The following PNPLA3 variants were observed in gnomAD, a reference collection of about 807,000 sequenced individuals.
PNPLA3 encodes 1-acylglycerol-3-phosphate O-acyltransferase PNPLA3.
A neutral mutation model predicts 43.1 loss-of-function variants in PNPLA3; 42 were observed. That is an observed-to-expected ratio of 0.97 (90% confidence interval 0.76 to 1.26). The LOEUF (loss-of-function observed/expected upper bound fraction) is 1.26, where lower values mean the gene tolerates loss of function less well. PNPLA3 is among the 50% of genes most tolerant of loss of function. The pLI, the probability that PNPLA3 is intolerant of heterozygous loss-of-function variation, is 0.00. For synonymous variants in PNPLA3, 272 were observed against 253.6 expected (o/e 1.07, Z -0.69); for missense variants, 647 against 621.4 (o/e 1.04, Z -0.44).
chr22:43,935,267 C>A lies in PNPLA3; in HGVS notation c.757+601C>A, dbSNP rs74705303. 8.4e-3 allele frequency among the ~76,000 whole-genome samples: 1,274 copies of A among 152,248 alleles called. 24 individuals are homozygous for A. The highest frequency in any genetic ancestry group is 0.029 in the African/African-American group (1,211 of 41,536). Reference sequence around the variant, plus strand: ...GTTGGTTGATGAATTTGTCGTTGGCCAAGACCAAGGAGACTGCATTTTTAA... The same window carrying A: ...GTTGGTTGATGAATTTGTCGTTGGCAAAGACCAAGGAGACTGCATTTTTAA... On this transcript the variant is annotated intron_variant, in intron 5 of 8. Transcript: ENST00000216180.
intron 2 of PNPLA3, among the ~76,000 whole-genome samples, chr22:43,927,663 G>GT (rs2049933533): frequency 6.7e-6 from 1 of 149,762 alleles, no homozygotes; most frequent in Non-Finnish European, 1.5e-5. Flanking sequence ...TTTTTTTTGG[G>GT]TGGGGGGGCG....
intron 7 of PNPLA3, among the ~76,000 whole-genome samples, chr22:43,943,043 C>T (rs932397017): frequency 6.6e-6 from 1 of 152,110 alleles, no homozygotes; most frequent in Non-Finnish European, 1.5e-5. Flanking sequence ...TTTGCGTCTG[C>T]TCTGACAGAT....
At chr22:43,928,470 A>G (rs1228981966) in intron 2 of PNPLA3, among the ~76,000 whole-genome samples, 1 of 152,106 alleles carries the variant, frequency 6.6e-6, no homozygotes, top group Non-Finnish European at 1.5e-5. Context: ...CTCTCCGGTG[A>G]TGCTAATGAA....
At chr22:43,933,509 C>A (rs1054394099) in intron 4 of PNPLA3, among the ~76,000 whole-genome samples, 1 of 152,134 alleles carries the variant, frequency 6.6e-6, no homozygotes, top group Admixed American at 6.6e-5. Flanking sequence ...ACCTCAGCCT[C>A]CTAAGGAGCT....
At chr22:43,924,904 T>G in intron 1 of PNPLA3, among the ~76,000 whole-genome samples, 1 of 152,092 alleles carries the variant, frequency 6.6e-6, no homozygotes, top group Non-Finnish European at 1.5e-5. Context: ...CACCTCGGCC[T>G]CCCAGAATGC....
chr22:43,927,801 G>A (rs1182803042), intron 2 of PNPLA3, among the ~76,000 whole-genome samples: 1 of 152,278 alleles, frequency 6.6e-6, no homozygotes, highest in East Asian at 1.9e-4. Context: ...TAGAGACGGG[G>A]TTTTGCCCTG....
chr22:43,937,726 C>T (rs953268195), intron 6 of PNPLA3, among the ~76,000 whole-genome samples: 1 of 152,172 alleles, frequency 6.6e-6, no homozygotes, highest in East Asian at 1.9e-4. Flanking sequence ...ACCTGTCCAC[C>T]CACCTCAAGG....
In PNPLA3 at chr22:43,937,238, C is replaced by T; in HGVS notation, c.945C>T (p.Ser315=). ...LRLSILPWDE[S]ILDTLSPRLA... is the part of the protein sequence containing the mutation. Reference sequence around the variant, plus strand: ...TCAGCATCCTGCCCTGGGATGAGAGCATCCTGGACACCCTCTCGCCCAGGC... The same window carrying T: ...TCAGCATCCTGCCCTGGGATGAGAGTATCCTGGACACCCTCTCGCCCAGGC... The change falls in exon 6 of 9, where the codon AGC becomes AGT. Residue 315 remains serine (S), a synonymous_variant. Transcript: ENST00000216180. 1 of 1,614,090 alleles carries T rather than the reference C, an allele frequency of 6.2e-7. No homozygotes were observed. The highest frequency in any genetic ancestry group is 1.7e-5 in the Admixed American group (1 of 60,024).
rs2049970351 is a variant in PNPLA3, at chr22:43,932,868, T to C, written c.487-10T>C. The C allele has an allele frequency of 1.2e-6, 2 of 1,613,702 alleles. No individual in the cohort carries two copies. Among genetic ancestry groups the C allele is most frequent in the African/African-American group, 2.7e-5 (2 of 74,906 alleles). ...AGACAGTGCCAGTCCTTTTTCCCCTTCTTTAAAAGCGATATGTGGATGGAG... is the reference window on the plus strand; with the variant it reads ...AGACAGTGCCAGTCCTTTTTCCCCTCCTTTAAAAGCGATATGTGGATGGAG... On this transcript the variant is annotated splice_polypyrimidine_tract_variant and intron_variant, in intron 3 of 8. Transcript: ENST00000216180.
At chr22:43,944,597 GGT>G in intron 7 of PNPLA3, 92 bp from the exon 8 acceptor site, 3 of 966,674 alleles carry the variant, frequency 3.1e-6, no homozygotes, top group Non-Finnish European at 5.0e-6. Flanking sequence ...TCAGATTGGA[GGT>G]GATGTTGGCA....
In PNPLA3 at chr22:43,946,943, A is replaced by G. The variant is rs553777736; in HGVS notation, c.*561A>G. 252 of 304,988 alleles carry G rather than the reference A, an allele frequency of 8.3e-4. 1 individual carries two copies. Among genetic ancestry groups the G allele is most frequent in the African/African-American group, 5.3e-3 (240 of 45,208 alleles). The allele number at this position is 304,988 out of a possible 1,614,324, so 18.9% of individuals were successfully genotyped here. A position where few individuals can be genotyped will look rare whatever the true frequency, so the allele number is the denominator to read the frequency against. ...ATGATAATCTACTTAATTTTAGAACACCTTTTTCACCTAACTAAAATAATG... is the reference window on the plus strand; with the variant it reads ...ATGATAATCTACTTAATTTTAGAACGCCTTTTTCACCTAACTAAAATAATG... On this transcript the variant is annotated 3_prime_UTR_variant, in exon 9 of 9. Coordinates refer to ENST00000216180, the MANE Select transcript of PNPLA3 (RefSeq NM_025225.3).
Position 43,946,574 on chromosome 22 carries a change from C to G in PNPLA3, c.*192C>G, listed in dbSNP as rs374162736. On this transcript the variant is annotated 3_prime_UTR_variant, in exon 9 of 9. Transcript: ENST00000216180. ...CTGTGCAGCGGTCCAGCACTTAACTCTAATACATCAGCATGCGTTAATTCA... is the reference window on the plus strand; with the variant it reads ...CTGTGCAGCGGTCCAGCACTTAACTGTAATACATCAGCATGCGTTAATTCA... 2.0e-5 allele frequency: 14 copies of G among 717,198 alleles called. No homozygotes were observed. Among genetic ancestry groups the G allele is most frequent in the East Asian group, 5.2e-5 (2 of 38,152 alleles). 44.4% of individuals were successfully genotyped at this position (717,198 alleles called of 1,614,324 possible). A position where few individuals can be genotyped will look rare whatever the true frequency, so the allele number is the denominator to read the frequency against.
At chr22:43,936,112 T>C (rs2049993891) in intron 5 of PNPLA3, among the ~76,000 whole-genome samples, 1 of 151,880 alleles carries the variant, frequency 6.6e-6, no homozygotes, top group Non-Finnish European at 1.5e-5. Context: ...GATGTGCCCA[T>C]GGGTTGAGGG....
At chr22:43,926,558 G>A (rs187511398) in intron 1 of PNPLA3, among the ~76,000 whole-genome samples, 1 of 152,300 alleles carries the variant, frequency 6.6e-6, no homozygotes, top group Admixed American at 6.5e-5. Context: ...AGTGCTGTGT[G>A]GTAGGAATAC....
chr22:43,937,249 C>T lies in PNPLA3; in HGVS notation c.956C>T (p.Thr319Ile). The change falls in exon 6 of 9, where the codon ACC becomes ATC. Residue 319 changes from threonine to isoleucine, a missense_variant. Thr to Ile is a moderately conservative substitution (Grantham distance 89). Transcript: ENST00000216180. Reference protein sequence around the residue: ...ILPWDESILDTLSPRLATALS... With the variant: ...ILPWDESILDILSPRLATALS... ...CCCTGGGATGAGAGCATCCTGGACACCCTCTCGCCCAGGCTCGCTACAGGT... is the reference window on the plus strand; with the variant it reads ...CCCTGGGATGAGAGCATCCTGGACATCCTCTCGCCCAGGCTCGCTACAGGT... 2 of 1,614,038 alleles carry T rather than the reference C, an allele frequency of 1.2e-6. No individual in the cohort carries two copies. Among genetic ancestry groups the T allele is most frequent in the African/African-American group, 1.3e-5 (1 of 75,058 alleles).
At chr22:43,924,228 C>A in intron 1 of PNPLA3, 130 bp downstream of exon 1, 1 of 1,066,296 alleles carries the variant, frequency 9.4e-7, no homozygotes, top group Non-Finnish European at 1.3e-6. Flanking sequence ...CGGGGTGCAT[C>A]CCGAGGGCCC....
chr22:43,946,313 C>T lies in PNPLA3; in HGVS notation c.1377C>T (p.Gly459=). The change falls in exon 9 of 9, where the codon GGC becomes GGT. Residue 459 remains glycine (G), a synonymous_variant. Transcript: ENST00000216180. ...GGTCCAGCCTGAACTTCTTCTTGGG[C>T]AATAAAGTACCTGCTGGTGCTGAGG... ...ILRSSLNFFL[G]NKVPAGAEGL... 1.2e-6 allele frequency: 2 copies of T among 1,614,178 alleles called. No individual in the cohort carries two copies. Among genetic ancestry groups the T allele is most frequent in the Non-Finnish European group, 1.7e-6 (2 of 1,180,036 alleles).
intron 3 of PNPLA3, among the ~76,000 whole-genome samples, chr22:43,931,270 T>C (rs1015289024): frequency 3.9e-5 from 6 of 152,184 alleles, no homozygotes; most frequent in Non-Finnish European, 8.8e-5. Flanking sequence ...ATTCTTCAAA[T>C]TCAATGCAAG....
intron 4 of PNPLA3, among the ~76,000 whole-genome samples, chr22:43,933,907 G>T (rs893065080): frequency 6.6e-6 from 1 of 152,310 alleles, no homozygotes; most frequent in South Asian, 2.1e-4. Flanking sequence ...TGGTTTTCCC[G>T]TGTGCTTTAT....
Sources: gnomAD v4.1 joint callset for allele counts (sites outside exome capture counted in the v4.1 genomes callset) on GRCh38, gnomAD v4.1.1 for gene constraint, MANE v1.5 for transcripts, NCBI Gene and HGNC (gene_info 2026-07-23, HGNC 2026-07-21) for gene names.